Variants in TENM2 observed in about 807,000 individuals in gnomAD.
TENM2 encodes teneurin transmembrane protein 2.
Under a neutral mutation model 245.2 loss-of-function variants are expected in TENM2, and 52 were observed. The observed-to-expected ratio is 0.21, with a 90% CI of 0.17 to 0.27. The LOEUF (loss-of-function observed/expected upper bound fraction) is 0.27, where lower values mean the gene tolerates loss of function less well. TENM2 is among the 10% of genes least tolerant of loss of function. The pLI is 1.00. For synonymous variants in TENM2, 1,363 were observed against 1,438.9 expected (o/e 0.95, Z 1.19); for missense variants, 3,046 against 3,666.8 (o/e 0.83, Z 4.37).
chr5:167,885,679 T>C (rs1158075820), intron 3 of TENM2, among the ~76,000 whole-genome samples: 1 of 152,010 alleles, frequency 6.6e-6, no homozygotes, highest in Non-Finnish European at 1.5e-5. Context: ...AATGGGTGAT[T>C]ACTGGTTTTT....
At position 167,824,729 on chromosome 5, in the gene TENM2, A is replaced by T. The variant is rs142469625; in HGVS notation, c.503-51257A>T. ...CCTCATAAATCTGAGACAGACAGCCAGCTCATAGCCGTAAGGAAAGTGAGG... is the reference window on the plus strand; with the variant it reads ...CCTCATAAATCTGAGACAGACAGCCTGCTCATAGCCGTAAGGAAAGTGAGG... On this transcript the variant is annotated intron_variant, in intron 2 of 28. Transcript: ENST00000518659. Among the ~76,000 whole-genome samples the T allele has an allele frequency of 2.9e-3, 443 of 152,350 alleles. 2 individuals carry two copies. The highest frequency in any genetic ancestry group is 0.02 in the Middle Eastern group (6 of 294).
intron 21 of TENM2, 35 bp from the exon 24 acceptor site, chr5:168,216,733 C>G: frequency 6.2e-7 from 1 of 1,612,890 alleles, no homozygotes; most frequent in Non-Finnish European, 8.5e-7. Flanking sequence ...CTACACCTTT[C>G]CAAGAGATAA....
chr5:167,486,666 G>A (rs1768094919), intron 2 of TENM2, among the ~76,000 whole-genome samples: 1 of 152,074 alleles, frequency 6.6e-6, no homozygotes, highest in East Asian at 1.9e-4. Flanking sequence ...AGTTACTAGT[G>A]CACTGATATA....
At chr5:167,204,330 G>A in the TENM2 span, among the ~76,000 whole-genome samples, 1 of 152,178 alleles carries the variant, frequency 6.6e-6, no homozygotes, top group Non-Finnish European at 1.5e-5. Context: ...TGAGGCAATA[G>A]CATCCAAGCT....
intron 7 of TENM2, among the ~76,000 whole-genome samples, chr5:168,080,509 T>A (rs958277760): frequency 6.6e-6 from 1 of 152,228 alleles, no homozygotes; most frequent in African/African-American, 2.4e-5. Context: ...TCTAGTTCTT[T>A]TAATTGTGAT....
intron 2 of TENM2, among the ~76,000 whole-genome samples, chr5:167,723,552 G>T (rs1759784142): frequency 6.6e-6 from 1 of 152,108 alleles, no homozygotes; most frequent in Non-Finnish European, 1.5e-5. Context: ...TAGCAGGAAG[G>T]CTGTCCACCA....
intron 10 of TENM2, among the ~76,000 whole-genome samples, chr5:168,121,882 T>C (rs1241698125): frequency 6.6e-6 from 1 of 152,256 alleles, no homozygotes; most frequent in Non-Finnish European, 1.5e-5. Flanking sequence ...AATTAGAATT[T>C]CAGAATTTCC....
intron 2 of TENM2, among the ~76,000 whole-genome samples, chr5:167,797,308 C>T (rs1193354848): frequency 6.6e-6 from 1 of 152,138 alleles, no homozygotes; most frequent in Non-Finnish European, 1.5e-5. Flanking sequence ...TTTGGCATCC[C>T]ACTTAAAGCT....
At chr5:167,563,713 C>A (rs958186733) in intron 2 of TENM2, among the ~76,000 whole-genome samples, 2 of 152,070 alleles carry the variant, frequency 1.3e-5, no homozygotes, top group African/African-American at 2.4e-5. Context: ...ATAGTGTAAC[C>A]GTTTTTATCT....
At chr5:167,539,650 A>G (rs1205245113) in intron 2 of TENM2, among the ~76,000 whole-genome samples, 1 of 152,212 alleles carries the variant, frequency 6.6e-6, no homozygotes, top group Non-Finnish European at 1.5e-5. Context: ...CAAGCATAAA[A>G]GTGATTTATG....
the TENM2 span, among the ~76,000 whole-genome samples, chr5:166,999,432 A>T: frequency 6.6e-6 from 1 of 152,214 alleles, no homozygotes. Context: ...TAGAAGGCAG[A>T]TTGTCTGGTG....
chr5:167,584,424 A>G (rs1775332546), intron 2 of TENM2, among the ~76,000 whole-genome samples: 1 of 152,158 alleles, frequency 6.6e-6, no homozygotes, highest in Non-Finnish European at 1.5e-5. Flanking sequence ...TTACAAAGTT[A>G]CACTCTCTGC....
At chr5:168,201,848 G>GTGGT (rs61114621) in intron 17 of TENM2, among the ~76,000 whole-genome samples, 25,364 of 151,782 alleles carry the variant, frequency 0.17, 3,134 homozygotes, top group African/African-American at 0.35. Context: ...CCCATATAGC[G>GTGGT]TGGTTGGTTG....
chr5:167,539,517 T>G (rs1435620635), intron 2 of TENM2, among the ~76,000 whole-genome samples: 2 of 152,222 alleles, frequency 1.3e-5, no homozygotes, highest in Non-Finnish European at 2.9e-5. Context: ...CTGTTAAGTT[T>G]TCTTTTAAAC....
intron 2 of TENM2, among the ~76,000 whole-genome samples, chr5:167,839,372 C>T (rs1365580678): frequency 1.3e-5 from 2 of 152,170 alleles, no homozygotes; most frequent in Non-Finnish European, 2.9e-5. Flanking sequence ...TTCCTTCATA[C>T]ATCCATAATT....
chr5:167,952,479 G>C, intron 3 of TENM2, 109 bp from the exon 6 acceptor site: 2 of 904,082 alleles, frequency 2.2e-6, no homozygotes, highest in Admixed American at 2.3e-5. Flanking sequence ...GCAGCTTTCA[G>C]CAATTGTCAG....
chr5:167,334,735 CAT>C (rs1339567686), intron 1 of TENM2, among the ~76,000 whole-genome samples: 1 of 152,088 alleles, frequency 6.6e-6, no homozygotes, highest in Non-Finnish European at 1.5e-5. Flanking sequence ...GTTTGCAGGT[CAT>C]ATTATTTGAA....
chr5:167,209,562 T>A, the TENM2 span, among the ~76,000 whole-genome samples: 1 of 152,200 alleles, frequency 6.6e-6, no homozygotes, highest in Non-Finnish European at 1.5e-5. Context: ...AAATTTTTAG[T>A]AATATTGTTG....
chr5:167,917,155 TC>T (rs993495382), intron 3 of TENM2, among the ~76,000 whole-genome samples: 4 of 152,058 alleles, frequency 2.6e-5, no homozygotes. Context: ...TTTTACCCAC[TC>T]CCTTTCCCTC....
Sources: gnomAD v4.1 joint callset for allele counts (sites outside exome capture counted in the v4.1 genomes callset) on GRCh38, gnomAD v4.1.1 for gene constraint, MANE v1.5 for transcripts, NCBI Gene and HGNC (gene_info 2026-07-23, HGNC 2026-07-21) for gene names.